RARB: variants seen among roughly 807,000 people sequenced by gnomAD.
RARB encodes HBV-activated protein.
A neutral mutation model predicts 51.9 loss-of-function variants in RARB; 17 were observed. That is an observed-to-expected ratio of 0.33 (90% confidence interval 0.22 to 0.49). RARB has a LOEUF of 0.49. Ranked by LOEUF, RARB falls within the 20% of genes least tolerant of loss-of-function variation. The pLI is 0.99. For synonymous variants in RARB, 215 were observed against 195.4 expected (o/e 1.10, Z -0.84); for missense variants, 369 against 550.8 (o/e 0.67, Z 3.30).
At chr3:25,052,946 C>CA (rs1182918654) in intron 2 of RARB, among the ~76,000 whole-genome samples, 2 of 151,934 alleles carry the variant, frequency 1.3e-5, no homozygotes, top group African/African-American at 4.8e-5. Context: ...TTGGCAGAAG[C>CA]AATGAGATTG....
At chr3:25,072,831 G>C (rs1341363176) in intron 3 of RARB, among the ~76,000 whole-genome samples, 4 of 151,808 alleles carry the variant, frequency 2.6e-5, no homozygotes, top group East Asian at 2.0e-4. Flanking sequence ...GCCTCAGCCT[G>C]CCGAGTAGCT....
At chr3:25,456,499 G>A (rs1694910540) in intron 1 of RARB, among the ~76,000 whole-genome samples, 1 of 146,164 alleles carries the variant, frequency 6.8e-6, no homozygotes, top group East Asian at 2.0e-4. Context: ...TCTAGAATTT[G>A]TCTTGGCATG....
At chr3:25,030,307 C>A (rs1009088628) in intron 2 of RARB, among the ~76,000 whole-genome samples, 1 of 152,212 alleles carries the variant, frequency 6.6e-6, no homozygotes, top group African/African-American at 2.4e-5. Flanking sequence ...TAAATCATCA[C>A]TCTACAGTAA....
intron 1 of RARB, among the ~76,000 whole-genome samples, chr3:24,852,272 C>A (rs185438822): frequency 5.9e-4 from 90 of 152,214 alleles, no homozygotes; most frequent in African/African-American, 2.2e-3. Context: ...TAAGAGTGAA[C>A]CATATGTGGC....
intron 2 of RARB, among the ~76,000 whole-genome samples, chr3:24,970,923 A>T (rs1409092519): frequency 6.6e-6 from 1 of 152,004 alleles, no homozygotes; most frequent in Non-Finnish European, 1.5e-5. Flanking sequence ...ATTTTCTCTA[A>T]TGAGTCAGCT....
At chr3:25,494,275 A>ACACACACACACACG (rs1553623210) in intron 2 of RARB, among the ~76,000 whole-genome samples, 7 of 102,304 alleles carry the variant, frequency 6.8e-5, no homozygotes, top group Non-Finnish European at 9.8e-5. Flanking sequence ...ACACACACAC[A>ACACACACACACACG]CACATGCCAT....
intron 3 of RARB, among the ~76,000 whole-genome samples, chr3:25,554,507 G>A (rs907360100): frequency 6.6e-6 from 1 of 151,988 alleles, no homozygotes. Context: ...TGAGTAGTGT[G>A]ACAAAAACTG....
chr3:25,100,220 A>G (rs1257357862), intron 3 of RARB, among the ~76,000 whole-genome samples: 1 of 152,198 alleles, frequency 6.6e-6, no homozygotes, highest in African/African-American at 2.4e-5. Context: ...GGGATGTGAA[A>G]TAAATCAGCA....
intron 2 of RARB, among the ~76,000 whole-genome samples, chr3:24,885,802 C>G (rs934483005): frequency 1.3e-5 from 2 of 152,106 alleles, no homozygotes; most frequent in African/African-American, 4.8e-5. Context: ...ATTTGGGAAA[C>G]CAGATGATGT....
At chr3:24,896,481 G>C (rs576886993) in intron 2 of RARB, among the ~76,000 whole-genome samples, 1 of 151,942 alleles carries the variant, frequency 6.6e-6, no homozygotes, top group African/African-American at 2.4e-5. Flanking sequence ...GGATGGTCTC[G>C]ATCTCCTGAC....
chr3:25,352,926 C>T (rs945759749), intron 5 of RARB, among the ~76,000 whole-genome samples: 1 of 152,154 alleles, frequency 6.6e-6, no homozygotes, highest in African/African-American at 2.4e-5. Context: ...CTCGGCTTTT[C>T]TCATCTGTGT....
intron 3 of RARB, among the ~76,000 whole-genome samples, chr3:25,508,731 C>A (rs1316121723): frequency 1.3e-5 from 2 of 151,964 alleles, no homozygotes; most frequent in Non-Finnish European, 2.9e-5. Context: ...TCTCTTCTTG[C>A]TCTGTGGCAC....
chr3:25,412,780 G>A (rs927464705), intron 5 of RARB, among the ~76,000 whole-genome samples: 2 of 152,154 alleles, frequency 1.3e-5, no homozygotes, highest in Non-Finnish European at 2.9e-5. Context: ...AGCATTTTGG[G>A]AGGCCGAGGC....
chr3:24,953,249 C>A (rs1478065700), intron 2 of RARB, among the ~76,000 whole-genome samples: 1 of 151,978 alleles, frequency 6.6e-6, no homozygotes, highest in South Asian at 2.1e-4. Context: ...TGATAAAAAT[C>A]CTTGGAAGTT....
intron 5 of RARB, among the ~76,000 whole-genome samples, chr3:25,307,575 C>T (rs995412032): frequency 1.3e-5 from 2 of 152,202 alleles, no homozygotes; most frequent in African/African-American, 4.8e-5. Context: ...TCTTCATTTC[C>T]TCCTTTGTAT....
intron 3 of RARB, among the ~76,000 whole-genome samples, chr3:25,567,291 A>G (rs1336312409): frequency 6.6e-6 from 1 of 151,668 alleles, no homozygotes; most frequent in African/African-American, 2.4e-5. Context: ...ACCCGTTAGC[A>G]CTCCCGATCC....
chr3:24,911,552 T>G (rs1308155209), intron 2 of RARB, among the ~76,000 whole-genome samples: 1 of 152,210 alleles, frequency 6.6e-6, no homozygotes, highest in African/African-American at 2.4e-5. Context: ...TTATTTTTAT[T>G]TTTTGTTTGC....
At chr3:25,215,214 A>G (rs768343218) in intron 5 of RARB, among the ~76,000 whole-genome samples, 6 of 152,224 alleles carry the variant, frequency 3.9e-5, no homozygotes, top group Non-Finnish European at 7.3e-5. Context: ...AAGGATTCCC[A>G]GGTGGTTCTC....
At position 25,512,321 on chromosome 3, in the gene RARB, C is replaced by T. The variant is rs146229574; in HGVS notation, c.448+10998C>T. ...TTACTCAAAACAAGAAGTACATGTCCTTGGGACTCAAATCTACCCCCACAA... is the reference window on the plus strand; with the variant it reads ...TTACTCAAAACAAGAAGTACATGTCTTTGGGACTCAAATCTACCCCCACAA... On this transcript the variant is annotated intron_variant, in intron 3 of 7. Transcript: ENST00000330688. Among the ~76,000 whole-genome samples the T allele has an allele frequency of 4.1e-3, 617 of 152,306 alleles. 4 individuals carry two copies. The highest frequency in any genetic ancestry group is 0.014 in the African/African-American group (572 of 41,562).
Sources: gnomAD v4.1 joint callset for allele counts (sites outside exome capture counted in the v4.1 genomes callset) on GRCh38, gnomAD v4.1.1 for gene constraint, MANE v1.5 for transcripts, NCBI Gene and HGNC (gene_info 2026-07-23, HGNC 2026-07-21) for gene names.